CDK12: variants seen among roughly 807,000 people sequenced by gnomAD.
The protein encoded by CDK12 is cyclin-dependent kinase 12.
In CDK12, 17 loss-of-function variants were observed where a neutral mutation model predicts 133.8. The observed-to-expected ratio is 0.13, with a 90% CI of 0.09 to 0.19. The LOEUF is 0.19. CDK12 is among the 10% of genes least tolerant of loss of function. The pLI, the probability that CDK12 is intolerant of heterozygous loss-of-function variation, is 1.00. For synonymous variants in CDK12, 694 were observed against 683.6 expected (o/e 1.02, Z -0.24); for missense variants, 1,508 against 1,818.7 (o/e 0.83, Z 3.11).
chr17:39,530,556 C>A (rs1245515530), intron 13 of CDK12, 48 bp from the exon 14 acceptor site: 1 of 1,521,630 alleles, frequency 6.6e-7, no homozygotes, highest in Admixed American at 2.2e-5. Context: ...TGTTTATAAT[C>A]ACATGTGCTT....
At chr17:39,476,711 C>CTTTTTTTTTTTTTCTTTTTT (rs2050226043) in intron 2 of CDK12, among the ~76,000 whole-genome samples, 1 of 84,516 alleles carries the variant, frequency 1.2e-5, no homozygotes, top group African/African-American at 5.7e-5. Context: ...CCATGCCTGC[C>CTTTTTTTTTTTTTCTTTTTT]TTTTTTTTTT....
intron 12 of CDK12, among the ~76,000 whole-genome samples, chr17:39,525,111 C>CG (rs1249893013): frequency 2.6e-5 from 4 of 152,096 alleles, no homozygotes; most frequent in Admixed American, 1.3e-4. Context: ...GAAATATGTA[C>CG]GGAACACTGT....
chr17:39,522,237 G>A (rs963379723), intron 11 of CDK12, among the ~76,000 whole-genome samples: 3 of 151,666 alleles, frequency 2.0e-5, no homozygotes, highest in South Asian at 4.2e-4. Flanking sequence ...ACAGGTATGC[G>A]CCCCCATGCC....
At chr17:39,476,529 T>TCAG in intron 2 of CDK12, among the ~76,000 whole-genome samples, 1 of 151,766 alleles carries the variant, frequency 6.6e-6, no homozygotes, top group East Asian at 1.9e-4. Flanking sequence ...TTCTCCTGCC[T>TCAG]CAGCCTCCCA....
chr17:39,503,429 A>G (rs986450119), intron 6 of CDK12, among the ~76,000 whole-genome samples: 1 of 152,196 alleles, frequency 6.6e-6, no homozygotes, highest in Non-Finnish European at 1.5e-5. Context: ...TAAAGTTGGA[A>G]GTGGGTGACT....
intron 1 of CDK12, among the ~76,000 whole-genome samples, chr17:39,469,488 A>T (rs1411682665): frequency 6.6e-6 from 1 of 152,142 alleles, no homozygotes; most frequent in Non-Finnish European, 1.5e-5. Context: ...TTACAACTTT[A>T]TTATAAACTG....
At position 39,491,110 on chromosome 17, in the gene CDK12, G is replaced by A. The variant is rs769142421; in HGVS notation, c.2108+377G>A. Among the ~76,000 whole-genome samples, 56 of 152,086 alleles carry A rather than the reference G, an allele frequency of 3.7e-4. 1 individual carries two copies. Among genetic ancestry groups the A allele is most frequent in the Admixed American group, 1.8e-3 (27 of 15,252 alleles). On this transcript the variant is annotated intron_variant, in intron 3 of 13. Transcript: ENST00000447079. ...TAATAGATATGGGATTTTTCTTCCT[G>A]AAAGCATATAAATTGTCATGCCATA...
At chr17:39,477,583 T>A (rs1405744308) in intron 2 of CDK12, among the ~76,000 whole-genome samples, 3 of 148,198 alleles carry the variant, frequency 2.0e-5, no homozygotes, top group East Asian at 2.0e-4. Flanking sequence ...TATTTTTTTT[T>A]TTTTTTTGAG....
chr17:39,506,800 C>T (rs2053160835), intron 6 of CDK12, among the ~76,000 whole-genome samples: 1 of 152,054 alleles, frequency 6.6e-6, no homozygotes, highest in African/African-American at 2.4e-5. Context: ...AAAGGATTCT[C>T]CAGATATTTC....
In CDK12 at chr17:39,531,370, G is replaced by A; in HGVS notation, c.*54G>A. The A allele has an allele frequency of 7.3e-7, 1 of 1,367,986 alleles. No individual in the cohort carries two copies. Among genetic ancestry groups the A allele is most frequent in the Non-Finnish European group, 9.5e-7 (1 of 1,054,016 alleles). 84.7% of individuals were successfully genotyped at this position (1,367,986 alleles called of 1,614,324 possible). A position where few individuals can be genotyped will look rare whatever the true frequency, so the allele number is the denominator to read the frequency against. The stretch of plus-strand genomic sequence containing the variant: ...CCTTTCCTATCCATCCTTCCATCCA[G>A]TTCTCTGAATCTTTAATGAAATCAT... On this transcript the variant is annotated 3_prime_UTR_variant, in exon 14 of 14. Transcript: ENST00000447079.
At chr17:39,490,889 T>G (rs1323483309) in intron 3 of CDK12, among the ~76,000 whole-genome samples, 156 bp downstream of exon 3, 2 of 152,198 alleles carry the variant, frequency 1.3e-5, no homozygotes. Context: ...AAGCCTTTCT[T>G]GGAGACTCAG....
At chr17:39,504,282 A>G (rs1476657725) in intron 6 of CDK12, among the ~76,000 whole-genome samples, 3 of 152,212 alleles carry the variant, frequency 2.0e-5, no homozygotes, top group Non-Finnish European at 4.4e-5. Context: ...ATTCCAAACT[A>G]CCAATACAGA....
intron 6 of CDK12, among the ~76,000 whole-genome samples, chr17:39,508,030 A>G (rs2146296902): frequency 6.6e-6 from 1 of 152,258 alleles, no homozygotes; most frequent in East Asian, 1.9e-4. Context: ...CATGTTGAGT[A>G]TCCCCTGTGC....
Position 39,531,092 on chromosome 17 carries a change from G to A in CDK12, c.4249G>A (p.Gly1417Arg), listed in dbSNP as rs572934069. 6.9e-6 allele frequency: 11 copies of A among 1,593,660 alleles called. No individual in the cohort carries two copies. The highest frequency in any genetic ancestry group is 2.2e-5 in the East Asian group (1 of 44,736). ...CCCCTTAGCGTTACACCCGGTGGTC[G>A]GGCAACCATTCCTGAAGGCTGAGGG... is the stretch of plus-strand genomic sequence containing the variant. Reference protein sequence around the residue: ...RVPLALHPVVGQPFLKAEGSS... With the variant: ...RVPLALHPVVRQPFLKAEGSS... The change falls in exon 14 of 14, where the codon GGG becomes AGG. Residue 1417 changes from glycine (G) to arginine (R), a missense_variant. By Grantham distance (125) the Gly-to-Arg change is moderately radical (BLOSUM62 -2). Around this residue, in one of 9 missense-constraint regions of CDK12, gnomAD observed 114 missense variants for 101.2 expected, o/e 1.13. Coordinates refer to ENST00000447079, the MANE Select transcript of CDK12 (RefSeq NM_016507.4).
At chr17:39,535,790 T>A (rs1379682069), downstream of CDK12, among the ~76,000 whole-genome samples, 1 of 152,222 alleles carries the variant, frequency 6.6e-6, no homozygotes, top group Non-Finnish European at 1.5e-5. Flanking sequence ...TCTTGGGATT[T>A]CCATTGTTAT....
At chr17:39,466,088 T>A (rs2145020164) in intron 1 of CDK12, among the ~76,000 whole-genome samples, 1 of 151,528 alleles carries the variant, frequency 6.6e-6, no homozygotes, top group Admixed American at 6.6e-5. Context: ...CGGGCAGATC[T>A]CCTGAGGTCA....
At chr17:39,506,212 ATTTTTTT>A (rs1177367409) in intron 6 of CDK12, among the ~76,000 whole-genome samples, 2 of 119,776 alleles carry the variant, frequency 1.7e-5, no homozygotes, top group Non-Finnish European at 3.4e-5. Flanking sequence ...TGATTATATG[ATTTTTTT>A]TTTTTTTTTT....
At chr17:39,516,591 G>A (rs2053820059) in intron 9 of CDK12, among the ~76,000 whole-genome samples, 1 of 150,952 alleles carries the variant, frequency 6.6e-6, no homozygotes, top group African/African-American at 2.4e-5. Flanking sequence ...GGCTCAAACA[G>A]TCCTCCCACC....
chr17:39,497,898 C>T (rs2052254792), intron 5 of CDK12, among the ~76,000 whole-genome samples: 3 of 152,156 alleles, frequency 2.0e-5, no homozygotes, highest in Admixed American at 1.3e-4. Flanking sequence ...GGCCACCGCA[C>T]CCAGCGAATG....
Sources: gnomAD v4.1 joint callset for allele counts (sites outside exome capture counted in the v4.1 genomes callset) on GRCh38, gnomAD v4.1.1 for gene constraint, gnomAD v4.1.1 regional missense constraint, MANE v1.5 for transcripts, NCBI Gene and HGNC (gene_info 2026-07-23, HGNC 2026-07-21) for gene names.